ZFHX3: variants seen among roughly 807,000 people sequenced by gnomAD.
The protein encoded by ZFHX3 is zinc finger homeobox protein 3.
ZFHX3 carries 42 observed loss-of-function variants against 279.1 expected under a neutral mutation model. The observed-to-expected ratio is 0.15, with a 90% confidence interval of 0.12 to 0.19. The LOEUF (loss-of-function observed/expected upper bound fraction) is 0.19. ZFHX3 is among the 10% of genes least tolerant of loss of function. The pLI is 1.00. For synonymous variants in ZFHX3, 2,293 were observed against 1,957.8 expected, an observed-to-expected ratio of 1.17 and a Z score of -4.52; for missense variants, 4,981 against 4,754.0, an observed-to-expected ratio of 1.05 and a Z score of -1.40.
rs760833794 is a variant in ZFHX3, at chr16:72,798,245, G to C, written c.4437C>G (p.Pro1479=). The change falls in exon 9 of 10, where the codon CCC becomes CCG. Residue 1479 remains proline, a synonymous_variant. Coordinates refer to ENST00000268489, the MANE Select transcript of ZFHX3 (RefSeq NM_006885.4). ...ANGDLLAMGD[P]TLAEDHTIIV... ...TTATGGTATGGTCCTCTGCCAGAGTGGGGTCTCCCATTGCCAGGAGGTCCC... is the reference window on the plus strand; with the variant it reads ...TTATGGTATGGTCCTCTGCCAGAGTCGGGTCTCCCATTGCCAGGAGGTCCC... The C allele has an allele frequency of 6.2e-7, 1 of 1,614,090 alleles. No individual in the cohort carries two copies.
chr16:73,320,321 C>T (rs2161701), intron 3 of ZFHX3, among the ~76,000 whole-genome samples: 58,545 of 152,120 alleles, frequency 0.38, 13,175 homozygotes, highest in Non-Finnish European at 0.52. Flanking sequence ...CAACAGTGAA[C>T]AAAACTCAAC....
chr16:72,839,775 T>TG (rs551272265), intron 4 of ZFHX3, among the ~76,000 whole-genome samples: 1 of 150,620 alleles, frequency 6.6e-6, no homozygotes, highest in African/African-American at 2.4e-5. Context: ...CATGACAATG[T>TG]GGGGGGGATG....
At chr16:72,966,663 C>G (rs1194008777) in intron 1 of ZFHX3, among the ~76,000 whole-genome samples, 1 of 152,176 alleles carries the variant, frequency 6.6e-6, no homozygotes, top group Non-Finnish European at 1.5e-5. Context: ...AACACACACA[C>G]CATTCACGGG....
chr16:73,261,668 G>GTTTTTT (rs1187489542), intron 4 of ZFHX3, among the ~76,000 whole-genome samples: 17,575 of 80,518 alleles, frequency 0.22, 3,521 homozygotes, highest in Non-Finnish European at 0.3. Flanking sequence ...TCCTGTGATT[G>GTTTTTT]TTTTTTTTTT....
At position 72,793,991 on chromosome 16, in the gene ZFHX3, C is replaced by T. The variant is rs767509153; in HGVS notation, c.8691G>A (p.Pro2897=). The T allele has an allele frequency of 5.6e-6, 9 of 1,614,080 alleles. No individual in the cohort carries two copies. The highest frequency in any genetic ancestry group is 5.0e-5 in the Admixed American group (3 of 60,006). The stretch of plus-strand genomic sequence containing the variant: ...ATTCCTTGCTATAAAAGCTCGGGGC[C>T]GGGCTGACCAGACCAGATGACAACC... ...EDRLSSGLVS[P]APSFYSKEYD... Residue 2897 remains proline (P), a synonymous_variant, in exon 9 of 10, where the codon CCG becomes CCA. Coordinates refer to ENST00000268489, the MANE Select transcript of ZFHX3 (RefSeq NM_006885.4). This position sits in a 1 kb window ranked among gnomAD's most constrained non-coding sequence, Gnocchi z 4.3.
At chr16:72,895,642 T>G (rs1193388390) in intron 3 of ZFHX3, among the ~76,000 whole-genome samples, 1 of 152,170 alleles carries the variant, frequency 6.6e-6, no homozygotes, top group African/African-American at 2.4e-5. Flanking sequence ...GGCAACATGG[T>G]GAGACCCCGT....
intron 1 of ZFHX3, among the ~76,000 whole-genome samples, chr16:73,830,920 A>G (rs910811078): frequency 4.6e-5 from 7 of 152,202 alleles, no homozygotes; most frequent in South Asian, 2.1e-4. Flanking sequence ...AACTGTGCTC[A>G]CTGTTCCCAA....
At chr16:73,208,415 G>T (rs1182321899) in intron 5 of ZFHX3, among the ~76,000 whole-genome samples, 3 of 148,262 alleles carry the variant, frequency 2.0e-5, no homozygotes, top group African/African-American at 7.5e-5. Context: ...AACGTCATAG[G>T]CAGGATTATA....
chr16:73,203,847 C>T (rs1348741532), intron 5 of ZFHX3, among the ~76,000 whole-genome samples: 1 of 152,184 alleles, frequency 6.6e-6, no homozygotes, highest in African/African-American at 2.4e-5. Context: ...TGACAATTGT[C>T]CATCTATACC....
intron 3 of ZFHX3, among the ~76,000 whole-genome samples, chr16:72,921,913 A>G (rs779451984): frequency 1.3e-5 from 2 of 152,218 alleles, no homozygotes; most frequent in Non-Finnish European, 2.9e-5. Context: ...GCACAGATGC[A>G]AAACGAAAGC....
chr16:73,794,734 A>T (rs737673), intron 1 of ZFHX3, among the ~76,000 whole-genome samples: 82,232 of 152,008 alleles, frequency 0.54, 24,147 homozygotes, highest in African/African-American at 0.79. Context: ...TTTTCCTGCA[A>T]CAGATGGGAG....
chr16:72,957,961 C>G lies in ZFHX3; in HGVS notation c.2185G>C (p.Glu729Gln). 1 of 1,614,128 alleles carries G rather than the reference C, an allele frequency of 6.2e-7. No homozygotes were observed. Among genetic ancestry groups the G allele is most frequent in the Non-Finnish European group, 8.5e-7 (1 of 1,180,042 alleles). The part of the protein sequence containing the change: ...YTCGYKPFRC[E>Q]VCNYSTTTKG... ...GTAGTTGTGGAGTAGTTACACACCT[C>G]GCAGCGGAAAGGCTTGTAACCACAC... Residue 729 changes from glutamate to glutamine, a missense_variant, in exon 2 of 10, where the codon GAG becomes CAG. Physicochemically the swap from Glu to Gln is conservative, Grantham distance 29. Coordinates refer to ENST00000268489, the MANE Select transcript of ZFHX3 (RefSeq NM_006885.4).
intron 2 of ZFHX3, among the ~76,000 whole-genome samples, chr16:73,584,035 C>A (rs557292892): frequency 6.6e-6 from 1 of 152,134 alleles, no homozygotes; most frequent in East Asian, 1.9e-4. Context: ...TCTCAAAAAA[C>A]AGGCTAAAGA....
intron 2 of ZFHX3, among the ~76,000 whole-genome samples, chr16:73,665,898 G>C (rs1053554841): frequency 6.9e-6 from 1 of 145,350 alleles, no homozygotes; most frequent in Non-Finnish European, 1.5e-5. Flanking sequence ...TCACTGCAAG[G>C]TCTGCCTCCC....
chr16:73,809,971 A>C (rs1960383650), intron 1 of ZFHX3, among the ~76,000 whole-genome samples: 1 of 152,102 alleles, frequency 6.6e-6, no homozygotes. Context: ...ATTTTCTTGC[A>C]CTCCACACAT....
chr16:72,795,181 G>C lies in ZFHX3; in HGVS notation c.7501C>G (p.Pro2501Ala), dbSNP rs2035858518. Reference protein sequence around the residue: ...QCPLPQSSPSPSQLSHLPLKP... With the variant: ...QCPLPQSSPSASQLSHLPLKP... Reference sequence around the variant, plus strand: ...AGGGGCAGGTGGGAGAGCTGGGAAGGACTGGGGCTCGACTGGGGTAAGGGG... The same window carrying C: ...AGGGGCAGGTGGGAGAGCTGGGAAGCACTGGGGCTCGACTGGGGTAAGGGG... The change falls in exon 9 of 10, where the codon CCT becomes GCT. Residue 2501 changes from proline (P) to alanine (A), a missense_variant. Pro to Ala is a conservative substitution (Grantham distance 27). This residue lies in a region of ZFHX3 where 744 missense variants were observed against 701.3 expected (regional missense o/e 1.06). Coordinates refer to ENST00000268489, the MANE Select transcript of ZFHX3 (RefSeq NM_006885.4). The C allele has an allele frequency of 6.2e-7, 1 of 1,609,182 alleles. No homozygotes were observed. Among genetic ancestry groups the C allele is most frequent in the Admixed American group, 1.7e-5 (1 of 59,840 alleles).
At chr16:73,379,130 A>G (rs765012645) in intron 3 of ZFHX3, among the ~76,000 whole-genome samples, 19 of 152,206 alleles carry the variant, frequency 1.2e-4, no homozygotes, top group Non-Finnish European at 2.5e-4. Flanking sequence ...GTATCTGCAT[A>G]ATCCCAAATA....
Position 72,958,263 on chromosome 16 carries a change from T to C in ZFHX3, c.1883A>G (p.Glu628Gly). ...CGAGGGGCACTCCCCAACCCCAAGC[T>C]CGCAGAGGGAGCCAGCGTGCTGGTG... ...PHHQHAGSLC[E>G]LGVGECPSGS... The change falls in exon 2 of 10, where the codon GAG (glutamate) becomes GGG (glycine). Residue 628 changes from glutamate (E) to glycine (G), a missense_variant. By Grantham distance (98) the Glu-to-Gly change is moderately conservative. Coordinates refer to ENST00000268489, the MANE Select transcript of ZFHX3 (RefSeq NM_006885.4). The C allele has an allele frequency of 6.2e-7, 1 of 1,613,904 alleles. No homozygotes were observed. The highest frequency in any genetic ancestry group is 8.5e-7 in the Non-Finnish European group (1 of 1,179,808).
chr16:72,794,185 C>A lies in ZFHX3; in HGVS notation c.8497G>T (p.Asp2833Tyr), dbSNP rs2143395885. 1 of 1,614,174 alleles carries A rather than the reference C, an allele frequency of 6.2e-7. No homozygotes were observed. The highest frequency in any genetic ancestry group is 8.5e-7 in the Non-Finnish European group (1 of 1,180,036). Reference protein sequence around the residue: ...LNFDQTKLDNDDCSSVNTAIT... With the variant: ...LNFDQTKLDNYDCSSVNTAIT... ...GCTGTGTTGACAGAGGAACAGTCAT[C>A]GTTGTCCAGCTTAGTTTGGTCAAAG... Residue 2833 changes from aspartate to tyrosine, a missense_variant, in exon 9 of 10, where the codon GAT becomes TAT. Asp to Tyr is a radical substitution (Grantham distance 160). Transcript: ENST00000268489. This position sits in a 1 kb window ranked among gnomAD's most constrained non-coding sequence, Gnocchi z 4.2.
Sources: allele counts gnomAD v4.1 joint callset (sites outside exome capture counted in the v4.1 genomes callset), GRCh38; gene constraint gnomAD v4.1.1; regional missense constraint gnomAD v4.1.1; non-coding constraint Gnocchi (gnomAD v3.1); transcripts MANE v1.5; gene names NCBI Gene and HGNC (gene_info 2026-07-23, HGNC 2026-07-21).